ADAMTSL3: variants seen among roughly 807,000 people sequenced by gnomAD.
The protein encoded by ADAMTSL3 is ADAMTS-like protein 3.
In ADAMTSL3, 128 loss-of-function variants were observed where a neutral mutation model predicts 201.7. The observed-to-expected ratio is 0.63, with a 90% CI of 0.55 to 0.73. The LOEUF is 0.73. ADAMTSL3 is among the 30% of genes least tolerant of loss of function. ADAMTSL3 has a pLI of 0.00. For synonymous variants in ADAMTSL3, 738 were observed against 748.4 expected (o/e 0.99, Z 0.23); for missense variants, 1,990 against 2,119.6 (o/e 0.94, Z 1.20).
intron 16 of ADAMTSL3, among the ~76,000 whole-genome samples, chr15:83,914,828 TG>T (rs1056597036): frequency 6.8e-6 from 1 of 147,618 alleles, no homozygotes. Context: ...TTTGTTTGTT[TG>T]TTGTTTTTTG....
chr15:83,704,126 C>T (rs558838953), intron 2 of ADAMTSL3, among the ~76,000 whole-genome samples: 4 of 152,028 alleles, frequency 2.6e-5, no homozygotes, highest in Admixed American at 6.6e-5. Context: ...GCAGAGGTAG[C>T]GGGGAGGGGG....
chr15:83,916,887 G>A (rs890643921), intron 16 of ADAMTSL3, among the ~76,000 whole-genome samples: 2 of 152,316 alleles, frequency 1.3e-5, no homozygotes, highest in Admixed American at 6.5e-5. Flanking sequence ...AAAATAAATA[G>A]AACATATTCT....
intron 17 of ADAMTSL3, among the ~76,000 whole-genome samples, chr15:83,928,655 T>TA (rs1475221923): frequency 6.6e-6 from 1 of 152,228 alleles, no homozygotes; most frequent in Non-Finnish European, 1.5e-5. Flanking sequence ...TGTGTCATCA[T>TA]ATAATTTTTT....
intron 10 of ADAMTSL3, among the ~76,000 whole-genome samples, chr15:83,887,163 T>C (rs1321876530): frequency 6.6e-6 from 1 of 152,132 alleles, no homozygotes; most frequent in African/African-American, 2.4e-5. Flanking sequence ...CTCCAGGAGA[T>C]GATGGTACAC....
rs376672911 is a variant in ADAMTSL3 at position 83,798,836 on chromosome 15, G to A, written c.318-5814G>A. ...AAAAAAAAAAAAAACAAAAAAAAAG[G>A]ACAATAACACCACTTTTTGGCTATA... On this transcript the variant is annotated intron_variant, in intron 4 of 29. Transcript: ENST00000286744. Among the ~76,000 whole-genome samples the A allele has an allele frequency of 7.9e-4, 117 of 147,972 alleles. 2 individuals carry two copies. The highest frequency in any genetic ancestry group is 3.6e-3 in the Admixed American group (54 of 14,912).
intron 19 of ADAMTSL3, among the ~76,000 whole-genome samples, chr15:83,960,689 T>G (rs574537295): frequency 6.6e-6 from 1 of 152,280 alleles, no homozygotes; most frequent in South Asian, 2.1e-4. Context: ...TTTAAGAGGC[T>G]CTTTTATTTG....
intron 19 of ADAMTSL3, among the ~76,000 whole-genome samples, chr15:83,959,167 T>C (rs1055021269): frequency 6.6e-6 from 1 of 152,222 alleles, no homozygotes; most frequent in Non-Finnish European, 1.5e-5. Flanking sequence ...GGCTCAAGCC[T>C]GTAATCCCAA....
chr15:83,761,132 G>GT (rs943616312), intron 3 of ADAMTSL3, among the ~76,000 whole-genome samples: 6 of 151,166 alleles, frequency 4.0e-5, no homozygotes, highest in African/African-American at 1.2e-4. Context: ...ACTCTTTTCT[G>GT]TTTTTTTTAG....
chr15:83,840,971 G>A (rs993350969), intron 7 of ADAMTSL3, among the ~76,000 whole-genome samples: 3 of 152,126 alleles, frequency 2.0e-5, no homozygotes, highest in Non-Finnish European at 4.4e-5. Flanking sequence ...GTCATTATTG[G>A]ACATTGAGAT....
chr15:83,747,758 G>A (rs1211816217), intron 3 of ADAMTSL3, among the ~76,000 whole-genome samples: 3 of 151,940 alleles, frequency 2.0e-5, no homozygotes, highest in African/African-American at 2.4e-5. Flanking sequence ...AAGACAAACC[G>A]ATGTCTCCCA....
intron 17 of ADAMTSL3, among the ~76,000 whole-genome samples, chr15:83,934,080 C>G (rs563957418): frequency 6.6e-6 from 1 of 152,322 alleles, no homozygotes; most frequent in South Asian, 2.1e-4. Context: ...AAGAGGGCCA[C>G]TATCCTCCAG....
intron 4 of ADAMTSL3, among the ~76,000 whole-genome samples, chr15:83,792,819 A>G (rs1444213600): frequency 1.3e-5 from 2 of 152,028 alleles, no homozygotes; most frequent in Non-Finnish European, 2.9e-5. Context: ...CATATGATCC[A>G]GCAGTCTCAC....
intron 12 of ADAMTSL3, among the ~76,000 whole-genome samples, chr15:83,892,057 C>T (rs905003544): frequency 2.0e-5 from 3 of 149,042 alleles, no homozygotes; most frequent in South Asian, 4.2e-4. Context: ...TCTACTAAAA[C>T]GTAGAAAAAT....
Position 83,948,404 on chromosome 15 carries a change from G to C in ADAMTSL3, c.2490+5322G>C, listed in dbSNP as rs535221390. The stretch of plus-strand genomic sequence containing the variant: ...TTTACCAGCACACAAGTGCACAAAA[G>C]CTTATTTACACACACACACACACAC... On this transcript the variant is annotated intron_variant, in intron 19 of 29. Transcript: ENST00000286744. Among the ~76,000 whole-genome samples the C allele has an allele frequency of 6.2e-5, 6 of 96,752 alleles. No homozygotes were observed. The South Asian group carries it at 1.9e-3, about 30-fold the overall frequency. The allele number at this position is 96,752 out of a possible 152,430, so 63.5% of individuals were successfully genotyped here. A position where few individuals can be genotyped will look rare whatever the true frequency, so the allele number is the denominator to read the frequency against.
intron 2 of ADAMTSL3, among the ~76,000 whole-genome samples, chr15:83,673,845 G>C (rs1054583608): frequency 2.0e-5 from 3 of 152,166 alleles, no homozygotes; most frequent in African/African-American, 7.2e-5. Flanking sequence ...TATGAGACTA[G>C]GGTTGGCACC....
chr15:83,682,303 C>T (rs2061486505), intron 2 of ADAMTSL3, among the ~76,000 whole-genome samples: 1 of 130,314 alleles, frequency 7.7e-6, no homozygotes, highest in Non-Finnish European at 1.7e-5. Flanking sequence ...AGGGTCAGAA[C>T]TAATAGCAGA....
intron 5 of ADAMTSL3, 33 bp downstream of exon 5, chr15:83,804,728 A>T: frequency 6.7e-7 from 1 of 1,499,856 alleles, no homozygotes; most frequent in Non-Finnish European, 9.0e-7. Context: ...TTTATCCAAT[A>T]CAATATGTGC....
chr15:83,951,947 A>G (rs2066766536), intron 19 of ADAMTSL3, among the ~76,000 whole-genome samples: 1 of 152,052 alleles, frequency 6.6e-6, no homozygotes, highest in Non-Finnish European at 1.5e-5. Flanking sequence ...TTATGTTTTC[A>G]AAAAACCAAC....
At chr15:83,776,916 C>G (rs1358761845) in intron 4 of ADAMTSL3, among the ~76,000 whole-genome samples, 1 of 147,262 alleles carries the variant, frequency 6.8e-6, no homozygotes, top group Non-Finnish European at 1.5e-5. Context: ...GCCTTTTATG[C>G]CTGCAGAACA....
Sources: allele counts gnomAD v4.1 joint callset (sites outside exome capture counted in the v4.1 genomes callset), GRCh38; gene constraint gnomAD v4.1.1; transcripts MANE v1.5; gene names NCBI Gene and HGNC (gene_info 2026-07-23, HGNC 2026-07-21).